Variants in SEPTIN7 observed in about 807,000 individuals in gnomAD.
The protein encoded by SEPTIN7 is septin 7, also known as septin-7.
In SEPTIN7, 10 loss-of-function variants were observed where a neutral mutation model predicts 63.3. The ratio of observed to expected loss-of-function variants is 0.16; its 90% CI spans 0.10 to 0.27. The LOEUF is 0.27. Ranked by LOEUF, SEPTIN7 falls within the 10% of genes least tolerant of loss-of-function variation. The pLI is 1.00. For synonymous variants in SEPTIN7, 131 were observed against 165.3 expected (o/e 0.79, Z 1.59); for missense variants, 310 against 521.0 (o/e 0.59, Z 3.94).
intron 1 of SEPTIN7, among the ~76,000 whole-genome samples, chr7:35,816,298 T>C (rs569772350): frequency 6.6e-6 from 1 of 152,206 alleles, no homozygotes; most frequent in Non-Finnish European, 1.5e-5. Context: ...GATTTGTCTA[T>C]CTTGGACATT....
At position 35,905,988 on chromosome 7, in the gene SEPTIN7, A is replaced by G. The variant is rs1308096665; in HGVS notation, c.*1695A>G. The G allele has an allele frequency of 6.6e-6, 1 of 152,194 alleles. No homozygotes were observed. Among genetic ancestry groups the G allele is most frequent in the Non-Finnish European group, 1.5e-5 (1 of 68,036 alleles). 9.4% of individuals were successfully genotyped at this position (152,194 alleles called of 1,614,324 possible). ...AATGACCTAAGCGGAGGGAATAATT[A>G]TAAGTCAATAGCAGAGAGATTGTTG... On this transcript the variant is annotated 3_prime_UTR_variant, in exon 14 of 14. Coordinates refer to ENST00000350320, the MANE Select transcript of SEPTIN7 (RefSeq NM_001788.6).
At chr7:35,821,759 G>A (rs527835313) in intron 1 of SEPTIN7, among the ~76,000 whole-genome samples, 2 of 152,030 alleles carry the variant, frequency 1.3e-5, no homozygotes, top group South Asian at 4.2e-4. Flanking sequence ...CCCAGTACTG[G>A]GCACTAGTAC....
Position 35,815,976 on chromosome 7 carries a change from T to C in SEPTIN7, c.61+14706T>C, listed in dbSNP as rs1789032292. 2.6e-5 allele frequency among the ~76,000 whole-genome samples: 4 copies of C among 152,234 alleles called. 1 individual carries two copies. The highest frequency in any genetic ancestry group is 2.6e-4 in the Admixed American group (4 of 15,286). ...TCTCATCAGTTTCTGATTGATTTTT[T>C]GTGAGTATTTTTTTGCGCATATGAG... On this transcript the variant is annotated intron_variant, in intron 1 of 13. Coordinates refer to ENST00000350320, the MANE Select transcript of SEPTIN7 (RefSeq NM_001788.6).
At chr7:35,891,404 C>T (rs769166217) in intron 11 of SEPTIN7, among the ~76,000 whole-genome samples, 9 of 152,132 alleles carry the variant, frequency 5.9e-5, no homozygotes, top group Non-Finnish European at 1.2e-4. Context: ...GTAGAGCCTT[C>T]TACACACCTA....
At chr7:35,847,564 T>C (rs1203102028) in intron 3 of SEPTIN7, 6 of 152,248 alleles carry the variant, frequency 3.9e-5, no homozygotes, top group Admixed American at 3.9e-4. Context: ...AAAAGTACTG[T>C]TCTTTATTTG....
chr7:35,833,039 A>C (rs1445585266), intron 3 of SEPTIN7, 139 bp downstream of exon 3: 1 of 579,236 alleles, frequency 1.7e-6, no homozygotes. Flanking sequence ...ATGTGCATAC[A>C]TTTTAAAATT....
At chr7:35,858,859 T>C (rs1785353294) in intron 3 of SEPTIN7, among the ~76,000 whole-genome samples, 1 of 151,878 alleles carries the variant, frequency 6.6e-6, no homozygotes, top group Admixed American at 6.5e-5. Context: ...TTTGTATTTT[T>C]AGTAGAGACG....
At chr7:35,891,987 C>G (rs1017788405) in intron 11 of SEPTIN7, among the ~76,000 whole-genome samples, 15 of 151,998 alleles carry the variant, frequency 9.9e-5, no homozygotes, top group Non-Finnish European at 2.2e-4. Context: ...TTAGCCTAGG[C>G]CTACTCAGGG....
rs2727858 is a variant in SEPTIN7, at chr7:35,903,350, T to C, written c.1274+135T>C. 4 of 1,358,554 alleles carry C rather than the reference T, an allele frequency of 2.9e-6. No homozygotes were observed. In the African/African-American group the frequency reaches 6.0e-5, roughly 20 times the overall value. The allele number at this position is 1,358,554 out of a possible 1,614,324, so 84.2% of individuals were successfully genotyped here. A position where few individuals can be genotyped will look rare whatever the true frequency, so the allele number is the denominator to read the frequency against. On this transcript the variant is annotated intron_variant, in intron 13 of 13. Coordinates refer to ENST00000350320, the MANE Select transcript of SEPTIN7 (RefSeq NM_001788.6). ...TCATGCATTCCAAACACAATGGTTT[T>C]CATAGATAAATATTTTTATATGGAT...
intron 4 of SEPTIN7, among the ~76,000 whole-genome samples, chr7:35,865,942 T>C (rs2116171063): frequency 6.6e-6 from 1 of 152,342 alleles, no homozygotes; most frequent in East Asian, 1.9e-4. Context: ...TTCAAAAATA[T>C]CCTCTTCTGT....
intron 6 of SEPTIN7, chr7:35,879,486 T>A (rs1489750958): frequency 5.0e-4 from 29 of 58,418 alleles, no homozygotes; most frequent in Non-Finnish European, 1.0e-3. Context: ...CTTAAAAAAT[T>A]AAATAAAAAA....
At chr7:35,867,051 T>G (rs1245180778) in intron 4 of SEPTIN7, among the ~76,000 whole-genome samples, 6 of 152,214 alleles carry the variant, frequency 3.9e-5, no homozygotes, top group African/African-American at 1.4e-4. Flanking sequence ...GGTTTTATCC[T>G]GTGTCTGTCA....
chr7:35,855,607 G>A (rs1785166404), intron 3 of SEPTIN7, among the ~76,000 whole-genome samples: 1 of 152,100 alleles, frequency 6.6e-6, no homozygotes, highest in African/African-American at 2.4e-5. Context: ...CATTTTGTTT[G>A]TATTTGAGTA....
the SEPTIN7 span, among the ~76,000 whole-genome samples, chr7:35,914,478 T>C: frequency 6.6e-6 from 1 of 152,176 alleles, no homozygotes; most frequent in Non-Finnish European, 1.5e-5. Flanking sequence ...GAATTATGCC[T>C]CCGGGCTTTC....
At chr7:35,857,782 AT>A (rs1314885768) in intron 3 of SEPTIN7, among the ~76,000 whole-genome samples, 1 of 152,158 alleles carries the variant, frequency 6.6e-6, no homozygotes, top group African/African-American at 2.4e-5. Context: ...AGCAGAAACC[AT>A]TTAGAAATTT....
chr7:35,898,970 A>G (rs4131719), intron 12 of SEPTIN7: 49,617 of 152,112 alleles, frequency 0.33, 8,334 homozygotes, highest in East Asian at 0.41. Flanking sequence ...TAATGACAAA[A>G]CATCCCAGAA....
chr7:35,908,919 C>G (rs1334728257), downstream of SEPTIN7, among the ~76,000 whole-genome samples: 1 of 152,190 alleles, frequency 6.6e-6, no homozygotes, highest in Admixed American at 6.5e-5. Flanking sequence ...TTTTAATGAT[C>G]TCTTTCATAT....
intron 10 of SEPTIN7, among the ~76,000 whole-genome samples, chr7:35,889,148 G>A (rs1787478245): frequency 6.6e-6 from 1 of 152,204 alleles, no homozygotes; most frequent in African/African-American, 2.4e-5. Flanking sequence ...TTGATGTCAA[G>A]GCTGGGAAAA....
intron 2 of SEPTIN7, chr7:35,831,987 C>A (rs1428121993): frequency 2.7e-6 from 1 of 372,010 alleles, no homozygotes; most frequent in Non-Finnish European, 5.2e-6. Flanking sequence ...CAATGAGACT[C>A]TGCTTATTCA....
Sources: allele counts gnomAD v4.1 joint callset (sites outside exome capture counted in the v4.1 genomes callset), GRCh38; gene constraint gnomAD v4.1.1; transcripts MANE v1.5; gene names NCBI Gene and HGNC (gene_info 2026-07-23, HGNC 2026-07-21).